FKBP8: variants seen among roughly 807,000 people sequenced by gnomAD.
FKBP8 encodes the protein FKBP prolyl isomerase 8.
Under a neutral mutation model 41.7 loss-of-function variants are expected in FKBP8, and 5 were observed. That is an observed-to-expected ratio of 0.12 (90% CI 0.06 to 0.25). The LOEUF (loss-of-function observed/expected upper bound fraction) is 0.25. FKBP8 is among the 10% of genes least tolerant of loss of function. FKBP8 has a pLI of 1.00. For missense variants in FKBP8, 397 were observed against 563.0 expected (o/e 0.71, Z 2.98); for synonymous variants, 279 against 254.5 (o/e 1.10, Z -0.92).
At chr19:18,540,636 C>T (rs543185187) in intron 2 of FKBP8, among the ~76,000 whole-genome samples, 1 of 152,156 alleles carries the variant, frequency 6.6e-6, no homozygotes, top group African/African-American at 2.4e-5. Context: ...CTTTAGGAGG[C>T]CAAGGCAGGT....
rs1222554965 is a variant in FKBP8, at chr19:18,538,505, G to A, written c.552-69C>T. ...ACCCCTAAACCCGCTGGGCTGGCTA[G>A]GAAGGAGTGAGCTTGGCTCAAGCCC... On this transcript the variant is annotated intron_variant, in intron 4 of 8. Transcript: ENST00000608443. The surrounding 1 kb of genome is among the most constrained non-coding windows in gnomAD (Gnocchi z 4.0). 1 of 1,354,958 alleles carries A rather than the reference G, an allele frequency of 7.4e-7. No individual in the cohort carries two copies. The highest frequency in any genetic ancestry group is 1.0e-6 in the Non-Finnish European group (1 of 988,944). 83.9% of individuals were successfully genotyped at this position (1,354,958 alleles called of 1,614,324 possible). A position where few individuals can be genotyped will look rare whatever the true frequency, so the allele number is the denominator to read the frequency against.
chr19:18,539,125 A>G (rs918158139), intron 4 of FKBP8, among the ~76,000 whole-genome samples: 1 of 151,930 alleles, frequency 6.6e-6, no homozygotes, highest in African/African-American at 2.4e-5. Context: ...ACACCCAGCT[A>G]ATTTTTAAAT....
intron 2 of FKBP8, among the ~76,000 whole-genome samples, chr19:18,540,213 C>T (rs1976668274): frequency 6.6e-6 from 1 of 152,208 alleles, no homozygotes. Flanking sequence ...CCTCGGTTTA[C>T]CCAGCCATGA....
At chr19:18,534,433 A>G (rs1976522937) in intron 6 of FKBP8, among the ~76,000 whole-genome samples, 1 of 152,164 alleles carries the variant, frequency 6.6e-6, no homozygotes, top group South Asian at 2.1e-4. Flanking sequence ...CTCAAACTCC[A>G]TCAGTGCACA....
intron 6 of FKBP8, among the ~76,000 whole-genome samples, chr19:18,536,422 G>C (rs1282550873): frequency 3.9e-5 from 6 of 152,100 alleles, no homozygotes; most frequent in Non-Finnish European, 8.8e-5. Context: ...GCAGTGGTGT[G>C]ATCAAGGCTC....
In FKBP8 at chr19:18,538,117, A is replaced by G. The variant is rs1976620871; in HGVS notation, c.772+99T>C. 1 of 1,198,590 alleles carries G rather than the reference A, an allele frequency of 8.3e-7. No individual in the cohort carries two copies. Among genetic ancestry groups the G allele is most frequent in the Non-Finnish European group, 1.2e-6 (1 of 839,242 alleles). The allele number at this position is 1,198,590 out of a possible 1,614,324, so 74.2% of individuals were successfully genotyped here. A position where few individuals can be genotyped will look rare whatever the true frequency, so the allele number is the denominator to read the frequency against. On this transcript the variant is annotated intron_variant, in intron 5 of 8. Transcript: ENST00000608443. This position sits in a 1 kb window ranked among gnomAD's most constrained non-coding sequence, Gnocchi z 4.0. ...ATCTACCCATATTCTGGGCTATTCTAGAATATTCTGAGTCTGAGGCTCTCT... is the reference window on the plus strand; with the variant it reads ...ATCTACCCATATTCTGGGCTATTCTGGAATATTCTGAGTCTGAGGCTCTCT...
rs980636635 is a variant in FKBP8, at chr19:18,532,393, C to T, written c.1156-138G>A. On this transcript the variant is annotated intron_variant, in intron 8 of 8. Coordinates refer to ENST00000608443, the MANE Select transcript of FKBP8 (RefSeq NM_012181.5). ...TGTATTTCCCACTTCCTGGCAAACTCCTACTCATGCAGCAAAACCCAAATC... is the reference window on the plus strand; with the variant it reads ...TGTATTTCCCACTTCCTGGCAAACTTCTACTCATGCAGCAAAACCCAAATC... The T allele has an allele frequency of 7.0e-5, 69 of 987,032 alleles. 1 individual carries two copies. Among genetic ancestry groups the T allele is most frequent in the Non-Finnish European group, 1.0e-4 (67 of 647,946 alleles). The allele number at this position is 987,032 out of a possible 1,614,324, so 61.1% of individuals were successfully genotyped here.
chr19:18,532,683 C>A lies in FKBP8; in HGVS notation c.1136G>T (p.Cys379Phe), dbSNP rs765617173. The A allele has an allele frequency of 1.9e-6, 3 of 1,613,890 alleles. No individual in the cohort carries two copies. The highest frequency in any genetic ancestry group is 2.5e-6 in the Non-Finnish European group (3 of 1,180,030). Residue 379 changes from cysteine (C) to phenylalanine (F), a missense_variant, in exon 8 of 9, where the codon TGC becomes TTC. This residue lies in a region of FKBP8 where 225 missense variants were observed against 366.8 expected (regional missense o/e 0.61). Coordinates refer to ENST00000608443, the MANE Select transcript of FKBP8 (RefSeq NM_012181.5). The stretch of plus-strand genomic sequence containing the variant: ...GCTCACCCAGGCACCCTTGCCAGGG[C>A]ACTTAGCAGGCAGCCGGCTGGGGTT... ...LGNPSRLPAK[C>F]PGKGAWSIPW...
chr19:18,540,693 G>A (rs532840043), intron 2 of FKBP8, among the ~76,000 whole-genome samples: 5 of 152,138 alleles, frequency 3.3e-5, no homozygotes, highest in Non-Finnish European at 5.9e-5. Flanking sequence ...CCAATGTGGT[G>A]AAACCCTGTC....
rs1051704007 is a variant in FKBP8, at chr19:18,537,461, G to A, written c.945+140C>T. 5.9e-5 allele frequency: 43 copies of A among 731,196 alleles called. No homozygotes were observed. Among genetic ancestry groups the A allele is most frequent in the Non-Finnish European group, 8.5e-5 (41 of 479,988 alleles). 45.3% of individuals were successfully genotyped at this position (731,196 alleles called of 1,614,324 possible). ...GTGACCAGGCCACACTCCTGCACCC[G>A]TCTGGGCCTCAGTTTCTCCACCTGC... On this transcript the variant is annotated intron_variant, in intron 6 of 8. Transcript: ENST00000608443. This position sits in a 1 kb window ranked among gnomAD's most constrained non-coding sequence, Gnocchi z 4.4.
At position 18,538,437 on chromosome 19, in the gene FKBP8, C is replaced by T; in HGVS notation, c.552-1G>A. Reference sequence around the variant, plus strand: ...GTGCGGGGGGATGTATGGGCTCCTGCTAGTTGGGTGGGAGCAGGCAGGGGC... The same window carrying T: ...GTGCGGGGGGATGTATGGGCTCCTGTTAGTTGGGTGGGAGCAGGCAGGGGC... On this transcript the variant is annotated splice_acceptor_variant, in intron 4 of 8. Transcript: ENST00000608443. LOFTEE classifies it high-confidence loss of function. This position sits in a 1 kb window ranked among gnomAD's most constrained non-coding sequence, Gnocchi z 4.0. 1.2e-6 allele frequency: 2 copies of T among 1,610,596 alleles called. No homozygotes were observed. The highest frequency in any genetic ancestry group is 1.7e-6 in the Non-Finnish European group (2 of 1,179,490).
chr19:18,538,453 A>G lies in FKBP8; in HGVS notation c.552-17T>C. On this transcript the variant is annotated splice_polypyrimidine_tract_variant and intron_variant, in intron 4 of 8. Coordinates refer to ENST00000608443, the MANE Select transcript of FKBP8 (RefSeq NM_012181.5). This position sits in a 1 kb window ranked among gnomAD's most constrained non-coding sequence, Gnocchi z 4.0. ...GGGCTCCTGCTAGTTGGGTGGGAGCAGGCAGGGGCAGCACTCAGACCTGGT... is the reference window on the plus strand; with the variant it reads ...GGGCTCCTGCTAGTTGGGTGGGAGCGGGCAGGGGCAGCACTCAGACCTGGT... 6.2e-7 allele frequency: 1 copy of G among 1,603,528 alleles called. No homozygotes were observed. Among genetic ancestry groups the G allele is most frequent in the Non-Finnish European group, 8.5e-7 (1 of 1,175,642 alleles).
intron 1 of FKBP8, chr19:18,543,122 C>A: frequency 3.5e-6 from 1 of 283,500 alleles, no homozygotes; most frequent in South Asian, 2.6e-5. Context: ...CTCCTGACGC[C>A]CCACAGCCCC....
intron 4 of FKBP8, among the ~76,000 whole-genome samples, chr19:18,539,054 TC>T (rs1217415044): frequency 6.9e-6 from 1 of 144,594 alleles, no homozygotes; most frequent in Non-Finnish European, 1.5e-5. Flanking sequence ...GACCTCATGA[TC>T]CACCCGCCTT....
At chr19:18,532,333 C>A in intron 8 of FKBP8, 78 bp from the exon 9 acceptor site, 1 of 1,292,882 alleles carries the variant, frequency 7.7e-7, no homozygotes, top group Non-Finnish European at 1.1e-6. Flanking sequence ...CCAGCACAGC[C>A]CAAACAGACC....
chr19:18,540,000 T>G (rs113341342), intron 2 of FKBP8, among the ~76,000 whole-genome samples: 1 of 151,760 alleles, frequency 6.6e-6, no homozygotes, highest in African/African-American at 2.4e-5. Context: ...TTTGTTTTTT[T>G]GTTTTTTTTT....
chr19:18,532,905 G>T, intron 7 of FKBP8, 110 bp from the exon 8 acceptor site: 1 of 1,505,388 alleles, frequency 6.6e-7, no homozygotes, highest in Non-Finnish European at 8.9e-7. Flanking sequence ...TTGGGACACA[G>T]GGGTCCCATC....
At chr19:18,533,025 A>G in intron 7 of FKBP8, 1 of 750,418 alleles carries the variant, frequency 1.3e-6, no homozygotes, top group Non-Finnish European at 2.1e-6. Context: ...TTCTGGAAGG[A>G]AGGCCAAGGA....
intron 6 of FKBP8, 119 bp from the exon 7 acceptor site, chr19:18,533,466 C>A: frequency 1.8e-6 from 1 of 561,512 alleles, no homozygotes; most frequent in South Asian, 3.5e-5. Flanking sequence ...GCTTGAGCAA[C>A]AGAGCAAGAC....
Sources: allele counts gnomAD v4.1 joint callset (sites outside exome capture counted in the v4.1 genomes callset), GRCh38; gene constraint gnomAD v4.1.1; regional missense constraint gnomAD v4.1.1; non-coding constraint Gnocchi (gnomAD v3.1); transcripts MANE v1.5; gene names NCBI Gene and HGNC (gene_info 2026-07-23, HGNC 2026-07-21).